MARK4: variants seen among roughly 807,000 people sequenced by gnomAD.
MARK4 encodes microtubule affinity regulating kinase 4.
Under a neutral mutation model 81.5 loss-of-function variants are expected in MARK4, and 19 were observed. The ratio of observed to expected loss-of-function variants is 0.23; its 90% CI spans 0.16 to 0.34. The LOEUF is 0.34. MARK4 is among the 10% of genes least tolerant of loss of function. The pLI is 1.00. For missense variants in MARK4, 772 were observed against 1,058.8 expected, an observed-to-expected ratio of 0.73 and a Z score of 3.76; for synonymous variants, 436 against 439.0, an observed-to-expected ratio of 0.99 and a Z score of 0.08.
intron 10 of MARK4, among the ~76,000 whole-genome samples, chr19:45,279,479 T>G (rs1970644176): frequency 6.6e-6 from 1 of 152,184 alleles, no homozygotes. Flanking sequence ...ATTGCACCAC[T>G]GTACTCCACC....
At chr19:45,278,112 A>T in intron 9 of MARK4, 70 bp downstream of exon 9, 1 of 1,585,694 alleles carries the variant, frequency 6.3e-7, no homozygotes, top group Non-Finnish European at 8.5e-7. Flanking sequence ...GCCTGCCCCC[A>T]CCCACAAAAG....
chr19:45,257,116 A>C (rs1386213191), intron 1 of MARK4, among the ~76,000 whole-genome samples: 1 of 151,414 alleles, frequency 6.6e-6, no homozygotes, highest in Non-Finnish European at 1.5e-5. Flanking sequence ...CACCATGCCT[A>C]GCTAATTTTT....
intron 15 of MARK4, among the ~76,000 whole-genome samples, chr19:45,299,031 A>C (rs1263786825): frequency 6.8e-6 from 1 of 147,498 alleles, no homozygotes; most frequent in Non-Finnish European, 1.5e-5. Flanking sequence ...AGCTATGATC[A>C]TCAGTCTTGG....
At chr19:45,254,641 C>T (rs1970284906) in intron 1 of MARK4, among the ~76,000 whole-genome samples, 3 of 152,194 alleles carry the variant, frequency 2.0e-5, no homozygotes. Flanking sequence ...ATTGGACCCA[C>T]ATTGGAGGCC....
At chr19:45,259,258 A>ACCTC in intron 2 of MARK4, 69 bp downstream of exon 2, 1 of 1,552,890 alleles carries the variant, frequency 6.4e-7, no homozygotes, top group Non-Finnish European at 8.7e-7. Context: ...GTATGTTGAT[A>ACCTC]GAGGTCAGGA....
At position 45,277,978 on chromosome 19, in the gene MARK4, C is replaced by T; in HGVS notation, c.842C>T (p.Thr281Ile). ...GKYRVPFYMS[T>I]DCESILRRFL... ...TACCGGGTCCCTTTCTACATGTCAA[C>T]AGACTGTGAGAGCATCCTGCGGAGA... is the stretch of plus-strand genomic sequence containing the variant. The change falls in exon 9 of 17, where the codon ACA becomes ATA. Residue 281 changes from threonine (T) to isoleucine (I), a missense_variant. Around this residue, in one of 3 missense-constraint regions of MARK4, gnomAD observed 109 missense variants for 294.7 expected, o/e 0.37. Transcript: ENST00000262891. 3.1e-6 allele frequency: 5 copies of T among 1,613,928 alleles called. No individual in the cohort carries two copies. Among genetic ancestry groups the T allele is most frequent in the Non-Finnish European group, 4.2e-6 (5 of 1,179,974 alleles).
In MARK4 at chr19:45,280,351, T is replaced by C. The variant is rs527320560; in HGVS notation, c.1007-23T>C. On this transcript the variant is annotated intron_variant, in intron 10 of 16. Coordinates refer to ENST00000262891, the MANE Select transcript of MARK4 (RefSeq NM_001199867.2). ...GTTAAAGTTTCTGGGAGTCTGAAACTTCTCTCCATCCCCCCCTCCCAGAGG... is the reference window on the plus strand; with the variant it reads ...GTTAAAGTTTCTGGGAGTCTGAAACCTCTCTCCATCCCCCCCTCCCAGAGG... 3.1e-6 allele frequency: 5 copies of C among 1,602,764 alleles called. No homozygotes were observed. The East Asian group carries it at 1.1e-4, about 36-fold the overall frequency.
At chr19:45,269,188 G>C (rs1379760767) in intron 7 of MARK4, among the ~76,000 whole-genome samples, 1 of 152,140 alleles carries the variant, frequency 6.6e-6, no homozygotes, top group Non-Finnish European at 1.5e-5. Context: ...AGACCAGCCT[G>C]GCCAACATGG....
chr19:45,303,299 G>T lies in MARK4; in HGVS notation c.*589G>T, dbSNP rs1214905350. On this transcript the variant is annotated 3_prime_UTR_variant, in exon 17 of 17. Transcript: ENST00000262891. ...TACGGTTTTTAAGTTATTACACCCC[G>T]ACCCTCCTCCTGTCAGCCCCCTCAC... 1 of 153,816 alleles carries T rather than the reference G, an allele frequency of 6.5e-6. No individual in the cohort carries two copies. Among genetic ancestry groups the T allele is most frequent in the Non-Finnish European group, 1.4e-5 (1 of 69,026 alleles). The allele number at this position is 153,816 out of a possible 1,614,324, so 9.5% of individuals were successfully genotyped here.
At chr19:45,261,311 A>T (rs1970377736) in intron 2 of MARK4, among the ~76,000 whole-genome samples, 1 of 152,200 alleles carries the variant, frequency 6.6e-6, no homozygotes, top group African/African-American at 2.4e-5. Context: ...TATACAAAAT[A>T]TTAACAAACA....
At chr19:45,294,298 C>T (rs538940966) in intron 13 of MARK4, 51 bp from the exon 14 acceptor site, 1 of 1,547,344 alleles carries the variant, frequency 6.5e-7, no homozygotes, top group East Asian at 2.2e-5. Flanking sequence ...GGGAGAAGCT[C>T]AGGGGCATGT....
intron 16 of MARK4, among the ~76,000 whole-genome samples, chr19:45,301,751 A>C (rs1165916746): frequency 6.7e-6 from 1 of 149,776 alleles, no homozygotes; most frequent in South Asian, 2.1e-4. Context: ...TGTAATCCCA[A>C]CTACTCAGGA....
intron 8 of MARK4, among the ~76,000 whole-genome samples, chr19:45,274,914 T>A (rs534597634): frequency 6.6e-6 from 1 of 152,308 alleles, no homozygotes; most frequent in African/African-American, 2.4e-5. Context: ...CTGAGTGACC[T>A]TGGACATGTC....
chr19:45,302,810 C>A lies in MARK4; in HGVS notation c.*100C>A. On this transcript the variant is annotated 3_prime_UTR_variant, in exon 17 of 17. Coordinates refer to ENST00000262891, the MANE Select transcript of MARK4 (RefSeq NM_001199867.2). The surrounding 1 kb of genome is among the most constrained non-coding windows in gnomAD (Gnocchi z 4.9). The stretch of plus-strand genomic sequence containing the variant: ...GGAGGGGATTCTCCCTTTATCATCA[C>A]CTCAGTTTCCCTGAATTATATTTGG... The A allele has an allele frequency of 6.9e-7, 1 of 1,448,254 alleles. No individual in the cohort carries two copies. The highest frequency in any genetic ancestry group is 9.2e-7 in the Non-Finnish European group (1 of 1,090,124). The allele number at this position is 1,448,254 out of a possible 1,614,324, so 89.7% of individuals were successfully genotyped here. A position where few individuals can be genotyped will look rare whatever the true frequency, so the allele number is the denominator to read the frequency against.
intron 12 of MARK4, among the ~76,000 whole-genome samples, chr19:45,283,219 G>T (rs140242777): frequency 2.0e-5 from 3 of 151,720 alleles, no homozygotes; most frequent in East Asian, 3.9e-4. Context: ...AGACCACTGG[G>T]CAACATGGCG....
chr19:45,281,122 G>A (rs1405861229), intron 12 of MARK4, among the ~76,000 whole-genome samples: 1 of 151,520 alleles, frequency 6.6e-6, no homozygotes, highest in East Asian at 1.9e-4. Flanking sequence ...GTGTGATCTT[G>A]GCTGATGGCA....
intron 12 of MARK4, among the ~76,000 whole-genome samples, chr19:45,281,136 T>A (rs1970668776): frequency 6.6e-6 from 1 of 151,834 alleles, no homozygotes; most frequent in African/African-American, 2.4e-5. Flanking sequence ...GATGGCAACC[T>A]CTGCTGCACA....
chr19:45,263,012 G>A lies in MARK4; in HGVS notation c.253-101G>A, dbSNP rs141973178. The A allele has an allele frequency of 1.6e-3, 2,193 of 1,380,120 alleles. 28 individuals are homozygous for A. In the African/African-American group the frequency reaches 0.025, roughly 16 times the overall value. The allele number at this position is 1,380,120 out of a possible 1,614,324, so 85.5% of individuals were successfully genotyped here. A position where few individuals can be genotyped will look rare whatever the true frequency, so the allele number is the denominator to read the frequency against. On this transcript the variant is annotated intron_variant, in intron 2 of 16. Transcript: ENST00000262891. ...ACTCCTGGCCTCAAGTGATCCTCCC[G>A]CCTTGGTCTTCCCAAAATGCTGGGA...
chr19:45,263,630 T>A (rs1046335844), intron 4 of MARK4, among the ~76,000 whole-genome samples: 1 of 151,430 alleles, frequency 6.6e-6, no homozygotes, highest in African/African-American at 2.4e-5. Context: ...TAATCCCAGC[T>A]ACTCGGGAGG....
Sources: gnomAD v4.1 joint callset for allele counts (sites outside exome capture counted in the v4.1 genomes callset) on GRCh38, gnomAD v4.1.1 for gene constraint, gnomAD v4.1.1 regional missense constraint, Gnocchi (gnomAD v3.1) non-coding constraint, MANE v1.5 for transcripts, NCBI Gene and HGNC (gene_info 2026-07-23, HGNC 2026-07-21) for gene names.